OXR1: variants seen among roughly 807,000 people sequenced by gnomAD.
OXR1 encodes the protein oxidation resistance 1.
In OXR1, 41 loss-of-function variants were observed where a neutral mutation model predicts 104.6. That is an observed-to-expected ratio of 0.39 (90% CI 0.31 to 0.51). The LOEUF is 0.51. OXR1 is among the 20% of genes least tolerant of loss of function. OXR1 has a pLI of 0.77. For missense variants in OXR1, 955 were observed against 1,031.9 expected (o/e 0.93, Z 1.02); for synonymous variants, 348 against 348.4 (o/e 1.00, Z 0.01).
At chr8:106,458,085 GACCAAGCAACTGATC>G (rs1008943075) in intron 2 of OXR1, among the ~76,000 whole-genome samples, 1 of 152,116 alleles carries the variant, frequency 6.6e-6, no homozygotes, top group African/African-American at 2.4e-5. Flanking sequence ...CTAAGGGTCT[GACCAAGCAACTGATC>G]ACTAAAGAGA....
At position 106,679,188 on chromosome 8, in the gene OXR1, G is replaced by A. The variant is rs760229221; in HGVS notation, c.221-22G>A. ...TCTGAAAGAAAGATGAATTTAATAG[G>A]AATTTTGCCTTTTTTTCCCAGACAC... On this transcript the variant is annotated intron_variant, in intron 3 of 16. Coordinates refer to ENST00000517566, the MANE Select transcript of OXR1 (RefSeq NM_001198533.2). 7 of 1,446,602 alleles carry A rather than the reference G, an allele frequency of 4.8e-6. 1 individual carries two copies. Among genetic ancestry groups the A allele is most frequent in the Non-Finnish European group, 6.8e-6 (7 of 1,032,296 alleles). The allele number at this position is 1,446,602 out of a possible 1,614,324, so 89.6% of individuals were successfully genotyped here.
At chr8:106,625,042 T>C (rs1030489137) in intron 3 of OXR1, among the ~76,000 whole-genome samples, 3 of 152,172 alleles carry the variant, frequency 2.0e-5, no homozygotes, top group Non-Finnish European at 4.4e-5. Context: ...TCCTCCCACG[T>C]TGGCCTCCCA....
At chr8:106,676,441 A>G (rs1001835849) in intron 3 of OXR1, among the ~76,000 whole-genome samples, 9 of 152,060 alleles carry the variant, frequency 5.9e-5, no homozygotes, top group African/African-American at 2.2e-4. Flanking sequence ...AGTGTCTGGT[A>G]ATGGTCTTTC....
chr8:106,465,935 G>A (rs1821149996), intron 2 of OXR1, among the ~76,000 whole-genome samples: 1 of 151,924 alleles, frequency 6.6e-6, no homozygotes, highest in African/African-American at 2.4e-5. Context: ...CTTACTGTAA[G>A]TCTCAAATTT....
At chr8:106,655,159 T>C (rs1824940731) in intron 3 of OXR1, among the ~76,000 whole-genome samples, 1 of 152,060 alleles carries the variant, frequency 6.6e-6, no homozygotes, top group Non-Finnish European at 1.5e-5. Context: ...TGACTACAGA[T>C]GGTAAAAAGT....
intron 3 of OXR1, among the ~76,000 whole-genome samples, chr8:106,589,069 G>C (rs761290151): frequency 6.6e-6 from 1 of 152,104 alleles, no homozygotes; most frequent in Non-Finnish European, 1.5e-5. Flanking sequence ...TTAGTGGACT[G>C]CTTCACTTTT....
chr8:106,276,560 G>A (rs1812045752), intron 1 of OXR1, among the ~76,000 whole-genome samples: 1 of 152,068 alleles, frequency 6.6e-6, no homozygotes, highest in Non-Finnish European at 1.5e-5. Context: ...GAAGTGATTT[G>A]CCTGAGGTCA....
chr8:106,279,993 CAG>C (rs768763534), intron 1 of OXR1, among the ~76,000 whole-genome samples: 93 of 148,440 alleles, frequency 6.3e-4, no homozygotes, highest in Non-Finnish European at 5.5e-4. Flanking sequence ...TTAGAAAGGA[CAG>C]AGAGAGAGAG....
chr8:106,480,858 C>G (rs148179716), intron 2 of OXR1, among the ~76,000 whole-genome samples: 13 of 152,014 alleles, frequency 8.6e-5, no homozygotes, highest in Admixed American at 7.2e-4. Flanking sequence ...ACTCTTTAGA[C>G]CAATAAAATG....
intron 3 of OXR1, among the ~76,000 whole-genome samples, chr8:106,528,570 G>A (rs80136197): frequency 0.045 from 6,801 of 152,262 alleles, 178 homozygotes; most frequent in Middle Eastern, 0.068. Flanking sequence ...TGGAAGCTCT[G>A]AAGAGAAAAG....
chr8:106,594,659 G>A (rs1819374966), intron 3 of OXR1, among the ~76,000 whole-genome samples: 1 of 152,186 alleles, frequency 6.6e-6, no homozygotes, highest in Non-Finnish European at 1.5e-5. Context: ...AAAAATAAGA[G>A]GAGGCGACCA....
At chr8:106,686,484 G>A (rs1024745086) in intron 6 of OXR1, among the ~76,000 whole-genome samples, 9 of 151,870 alleles carry the variant, frequency 5.9e-5, no homozygotes, top group African/African-American at 2.2e-4. Context: ...ATATTTCTAT[G>A]ACTTTCTGCA....
At chr8:106,633,701 G>A (rs747584513) in intron 3 of OXR1, among the ~76,000 whole-genome samples, 40 of 152,144 alleles carry the variant, frequency 2.6e-4, no homozygotes, top group African/African-American at 5.8e-4. Context: ...TAATTTCCTC[G>A]TCATGGTGTC....
At chr8:106,293,250 C>T (rs1266775894) in intron 1 of OXR1, among the ~76,000 whole-genome samples, 4 of 152,094 alleles carry the variant, frequency 2.6e-5, no homozygotes, top group African/African-American at 9.7e-5. Context: ...CATTTTTTTC[C>T]ATGGCAAGAT....
chr8:106,678,224 G>A (rs1681885), intron 3 of OXR1, among the ~76,000 whole-genome samples: 6,262 of 151,938 alleles, frequency 0.041, 188 homozygotes, highest in Non-Finnish European at 0.065. Context: ...CCATTCACCC[G>A]ACAGCTGAGA....
chr8:106,622,638 T>C lies in OXR1; in HGVS notation c.221-56572T>C, dbSNP rs572009218. 1.2e-4 allele frequency among the ~76,000 whole-genome samples: 18 copies of C among 152,222 alleles called. No homozygotes were observed. In the East Asian group the frequency reaches 3.5e-3, roughly 29 times the overall value. On this transcript the variant is annotated intron_variant, in intron 3 of 16. Transcript: ENST00000517566. ...AAGGCTCTCCTCCTAGAGATCCACATAGCCAACTTCCTCACTTTCTTCGGG... is the reference window on the plus strand; with the variant it reads ...AAGGCTCTCCTCCTAGAGATCCACACAGCCAACTTCCTCACTTTCTTCGGG...
At chr8:106,298,484 T>A (rs1264040632) in intron 1 of OXR1, among the ~76,000 whole-genome samples, 1 of 152,136 alleles carries the variant, frequency 6.6e-6, no homozygotes, top group Non-Finnish European at 1.5e-5. Context: ...GAGCTACAGT[T>A]CAAGATGAGA....
chr8:106,662,875 T>TGA (rs1328640649), intron 3 of OXR1, among the ~76,000 whole-genome samples: 1 of 151,576 alleles, frequency 6.6e-6, no homozygotes, highest in Non-Finnish European at 1.5e-5. Context: ...ATGATGATGA[T>TGA]GATACTTGTA....
At chr8:106,748,302 A>G (rs1835567097) in intron 16 of OXR1, among the ~76,000 whole-genome samples, 2 of 152,120 alleles carry the variant, frequency 1.3e-5, no homozygotes, top group Admixed American at 6.5e-5. Flanking sequence ...CATTTTGGGG[A>G]CGATATAGTT....
Sources: allele counts gnomAD v4.1 joint callset (sites outside exome capture counted in the v4.1 genomes callset), GRCh38; gene constraint gnomAD v4.1.1; transcripts MANE v1.5; gene names NCBI Gene and HGNC (gene_info 2026-07-23, HGNC 2026-07-21).